KLC1: variants seen among roughly 807,000 people sequenced by gnomAD.
KLC1 encodes the protein kinesin 2 60/70kDa.
In KLC1, 30 loss-of-function variants were observed where a neutral mutation model predicts 84.2. The observed-to-expected ratio is 0.36, with a 90% CI of 0.27 to 0.48. The LOEUF is 0.48. KLC1 is among the 20% of genes least tolerant of loss of function. KLC1 has a pLI of 0.99. For missense variants in KLC1, 499 were observed against 805.4 expected, an observed-to-expected ratio of 0.62 and a Z score of 4.60; for synonymous variants, 289 against 293.3, an observed-to-expected ratio of 0.99 and a Z score of 0.15.
At chr14:103,673,836 T>C (rs1436344486) in intron 9 of KLC1, among the ~76,000 whole-genome samples, 1 of 151,298 alleles carries the variant, frequency 6.6e-6, no homozygotes, top group East Asian at 1.9e-4. Flanking sequence ...GGCAGGAGAA[T>C]GGCGTGAACC....
intron 3 of KLC1, among the ~76,000 whole-genome samples, chr14:103,659,018 C>T (rs1367333383): frequency 6.7e-6 from 1 of 149,932 alleles, no homozygotes; most frequent in African/African-American, 2.5e-5. Flanking sequence ...GCTTTTGTAC[C>T]CCAGGCTGGA....
At chr14:103,657,178 C>T (rs1361253739) in intron 2 of KLC1, among the ~76,000 whole-genome samples, 4 of 152,082 alleles carry the variant, frequency 2.6e-5, no homozygotes, top group African/African-American at 9.7e-5. Context: ...TGTGTGTACA[C>T]GAGGTCTTAC....
intron 1 of KLC1, among the ~76,000 whole-genome samples, chr14:103,652,652 C>T (rs373734795): frequency 1.2e-4 from 19 of 152,098 alleles, no homozygotes; most frequent in East Asian, 3.9e-4. Flanking sequence ...CCATCAGGCT[C>T]GGCTGATTTT....
At chr14:103,665,425 T>TTGTCCTGTCC (rs901111123) in intron 5 of KLC1, among the ~76,000 whole-genome samples, 6 of 151,960 alleles carry the variant, frequency 3.9e-5, no homozygotes, top group Non-Finnish European at 7.3e-5. Flanking sequence ...TTGTCTTGTC[T>TTGTCCTGTCC]TGTCCTGTCC....
At chr14:103,699,167 T>C (rs145063633) in intron 15 of KLC1, 37 of 1,567,432 alleles carry the variant, frequency 2.4e-5, no homozygotes, top group Non-Finnish European at 3.2e-5. Flanking sequence ...TGCTCCTCCA[T>C]GGCCTCTGTC....
intron 9 of KLC1, among the ~76,000 whole-genome samples, chr14:103,674,341 T>C (rs542813131): frequency 1.6e-4 from 24 of 152,230 alleles, no homozygotes; most frequent in African/African-American, 5.3e-4. Flanking sequence ...ATAGCATGGG[T>C]CTGTTGGTTG....
intron 12 of KLC1, 33 bp downstream of exon 12, chr14:103,677,556 G>A: frequency 7.7e-7 from 1 of 1,306,444 alleles, no homozygotes; most frequent in Non-Finnish European, 1.1e-6. Context: ...ACCGGCCCAT[G>A]GGAACTTTGA....
intron 15 of KLC1, chr14:103,698,741 C>A: frequency 2.0e-6 from 3 of 1,501,020 alleles, no homozygotes; most frequent in Non-Finnish European, 2.7e-6. Flanking sequence ...GTTTTAAAGG[C>A]CCGAGCCCCG....
chr14:103,679,447 A>G lies in KLC1; in HGVS notation c.1552A>G (p.Lys518Glu). The G allele has an allele frequency of 3.1e-6, 5 of 1,614,140 alleles. No homozygotes were observed. The highest frequency in any genetic ancestry group is 4.2e-6 in the Non-Finnish European group (5 of 1,180,026). ...EVLNDPENME[K>E]RRSRESLNVD... is the part of the protein sequence containing the mutation. ...GCTCAATGACCCTGAGAACATGGAG[A>G]AGCGCAGGAGCCGTGAGAGCCTCAA... Residue 518 changes from lysine (K) to glutamate (E), a missense_variant, in exon 13 of 17, where the codon AAG (lysine) becomes GAG (glutamate). By Grantham distance (56) the Lys-to-Glu change is moderately conservative. This residue lies in a region of KLC1 where 167 missense variants were observed against 208.8 expected (regional missense o/e 0.80). Transcript: ENST00000334553.
chr14:103,659,495 T>C (rs1343494360), intron 3 of KLC1, among the ~76,000 whole-genome samples: 1 of 152,196 alleles, frequency 6.6e-6, no homozygotes, highest in Non-Finnish European at 1.5e-5. Context: ...ATCAACACTT[T>C]ACTGTTAACT....
chr14:103,672,497 G>A lies in KLC1; in HGVS notation c.988-517G>A, dbSNP rs1192387427. On this transcript the variant is annotated intron_variant, in intron 7 of 16. Coordinates refer to ENST00000334553, the MANE Select transcript of KLC1 (RefSeq NM_001394837.1). ...TTCTTATAAAGAACAACCAGGTGAT[G>A]TGCCTGTGAGTTCACTAGGTGAGGT... Among the ~76,000 whole-genome samples, 8 of 152,216 alleles carry A rather than the reference G, an allele frequency of 5.3e-5. No homozygotes were observed. In the East Asian group the frequency reaches 1.5e-3, roughly 29 times the overall value.
At chr14:103,698,961 A>G (rs1248756288) in intron 15 of KLC1, 10 of 1,600,914 alleles carry the variant, frequency 6.2e-6, no homozygotes, top group Non-Finnish European at 8.5e-6. Context: ...CAGTCTCACC[A>G]GGAGCTGGTT....
At chr14:103,636,469 A>G (rs1248390766) in intron 1 of KLC1, among the ~76,000 whole-genome samples, 2 of 151,996 alleles carry the variant, frequency 1.3e-5, no homozygotes, top group Non-Finnish European at 2.9e-5. Context: ...ATCACCCCCC[A>G]TCGGCCTCCC....
intron 5 of KLC1, among the ~76,000 whole-genome samples, chr14:103,666,559 G>A (rs1315656265): frequency 2.0e-5 from 3 of 151,446 alleles, no homozygotes; most frequent in East Asian, 1.9e-4. Context: ...ATATGTCATC[G>A]TTTACAGAAG....
At chr14:103,633,205 G>A (rs933266377) in intron 1 of KLC1, among the ~76,000 whole-genome samples, 3 of 151,876 alleles carry the variant, frequency 2.0e-5, no homozygotes, top group Admixed American at 1.3e-4. Context: ...CTACAGGTGC[G>A]TGCCACCACA....
In KLC1 at chr14:103,701,253, C is replaced by G. The variant is rs1337261887; in HGVS notation, c.*54C>G. 1.3e-6 allele frequency: 2 copies of G among 1,543,344 alleles called. No individual in the cohort carries two copies. The highest frequency in any genetic ancestry group is 2.4e-5 in the South Asian group (2 of 83,736). ...TGGGACTGCCGAGTGTGGCCCGGAG[C>G]TGGCCCGGGACAGCCAGGGCGGCAG... On this transcript the variant is annotated 3_prime_UTR_variant, in exon 17 of 17. Transcript: ENST00000334553.
chr14:103,638,400 A>G (rs1017846585), intron 1 of KLC1, among the ~76,000 whole-genome samples: 2 of 152,156 alleles, frequency 1.3e-5, no homozygotes, highest in African/African-American at 4.8e-5. Flanking sequence ...TGTAAGTCAC[A>G]TCACATCAAA....
chr14:103,695,561 C>G (rs1164061316), intron 15 of KLC1: 8 of 985,130 alleles, frequency 8.1e-6, no homozygotes, highest in Non-Finnish European at 9.6e-6. Context: ...GGATGCTGAG[C>G]AGAGTTTGGA....
intron 1 of KLC1, among the ~76,000 whole-genome samples, chr14:103,631,932 C>T (rs953351687): frequency 6.6e-6 from 1 of 152,090 alleles, no homozygotes; most frequent in Non-Finnish European, 1.5e-5. Flanking sequence ...AAGAAATGAT[C>T]AGTAATATAC....
Sources: allele counts gnomAD v4.1 joint callset (sites outside exome capture counted in the v4.1 genomes callset), GRCh38; gene constraint gnomAD v4.1.1; regional missense constraint gnomAD v4.1.1; transcripts MANE v1.5; gene names NCBI Gene and HGNC (gene_info 2026-07-23, HGNC 2026-07-21).